IMMP2L: variants seen among roughly 807,000 people sequenced by gnomAD.
IMMP2L encodes the protein inner mitochondrial membrane peptidase subunit 2, also known as mitochondrial inner membrane protease subunit 2.
In IMMP2L, 18 loss-of-function variants were observed where a neutral mutation model predicts 19.3. The observed-to-expected ratio is 0.93, with a 90% CI of 0.64 to 1.38. The LOEUF (loss-of-function observed/expected upper bound fraction) is 1.38, where lower values mean the gene tolerates loss of function less well. IMMP2L is among the 40% of genes most tolerant of loss of function. The pLI is 0.00. For synonymous variants in IMMP2L, 76 were observed against 73.0 expected, an observed-to-expected ratio of 1.04 and a Z score of -0.21; for missense variants, 233 against 218.2, an observed-to-expected ratio of 1.07 and a Z score of -0.43.
chr7:110,688,064 C>T (rs1344578855), intron 5 of IMMP2L, among the ~76,000 whole-genome samples: 2 of 151,802 alleles, frequency 1.3e-5, no homozygotes, highest in South Asian at 4.2e-4. Context: ...ACATGGAAAT[C>T]GAGAGACGGA....
At chr7:110,959,900 T>A (rs1033447815) in intron 4 of IMMP2L, among the ~76,000 whole-genome samples, 2 of 151,944 alleles carry the variant, frequency 1.3e-5, no homozygotes, top group African/African-American at 2.4e-5. Context: ...GTAAACCCAA[T>A]ATTTACATGT....
At chr7:111,122,750 C>T (rs766829925) in intron 3 of IMMP2L, 16 of 1,589,948 alleles carry the variant, frequency 1.0e-5, no homozygotes, top group Non-Finnish European at 1.4e-5. Flanking sequence ...GGGCCCATTA[C>T]ATTTCTGAAG....
intron 4 of IMMP2L, among the ~76,000 whole-genome samples, chr7:110,899,707 A>G (rs1479587153): frequency 2.0e-5 from 3 of 152,132 alleles, no homozygotes; most frequent in African/African-American, 7.2e-5. Flanking sequence ...TTGTTTTACT[A>G]GTACATGGCG....
chr7:110,810,419 T>A (rs567378891), intron 5 of IMMP2L, among the ~76,000 whole-genome samples: 188 of 152,142 alleles, frequency 1.2e-3, no homozygotes, highest in Admixed American at 2.0e-3. Flanking sequence ...ATTCCAAACA[T>A]CTTAATATAC....
chr7:111,070,258 C>T (rs1794841718), intron 3 of IMMP2L, among the ~76,000 whole-genome samples: 1 of 152,164 alleles, frequency 6.6e-6, no homozygotes, highest in South Asian at 2.1e-4. Context: ...GCAGGCTTCA[C>T]CTCACAAGGC....
intron 3 of IMMP2L, among the ~76,000 whole-genome samples, chr7:111,486,483 C>T (rs1842664623): frequency 6.6e-6 from 1 of 152,108 alleles, no homozygotes; most frequent in Admixed American, 6.5e-5. Context: ...AATTGCTACC[C>T]CTAACTGGCA....
In IMMP2L at chr7:110,743,808, T is replaced by C. The variant is rs1474275895; in HGVS notation, c.409-80087A>G. Among the ~76,000 whole-genome samples the C allele has an allele frequency of 6.4e-4, 98 of 152,076 alleles. 1 individual carries two copies. The highest frequency in any genetic ancestry group is 6.4e-3 in the Admixed American group (98 of 15,270). On this transcript the variant is annotated intron_variant, in intron 5 of 5. Transcript: ENST00000405709. ...TGCCTACACCACCAGAGCCCTGGGT[T>C]TCCAGCCCAAAACTGGGCGGCCATT...
rs562324312 is a variant in IMMP2L, at chr7:110,942,301, C to G, written c.305+21199G>C. On this transcript the variant is annotated intron_variant, in intron 4 of 5. Transcript: ENST00000405709. Reference sequence around the variant, plus strand: ...GAAGAATAACTCAATAGGAAATACACAATAGCAGTGTCAAGATTTACAACA... The same window carrying G: ...GAAGAATAACTCAATAGGAAATACAGAATAGCAGTGTCAAGATTTACAACA... Among the ~76,000 whole-genome samples, 19 of 151,980 alleles carry G rather than the reference C, an allele frequency of 1.3e-4. No homozygotes were observed. The South Asian group carries it at 3.7e-3, about 30-fold the overall frequency.
chr7:111,486,224 T>C (rs565931948), intron 3 of IMMP2L, among the ~76,000 whole-genome samples: 3 of 152,342 alleles, frequency 2.0e-5, no homozygotes, highest in East Asian at 1.9e-4. Flanking sequence ...TTGGTTAATA[T>C]GTTTTCAAAT....
In IMMP2L at chr7:111,512,715, T is replaced by C. The variant is rs193202805; in HGVS notation, c.135+8598A>G. 1.6e-3 allele frequency among the ~76,000 whole-genome samples: 238 copies of C among 152,086 alleles called. 1 individual carries two copies. Among genetic ancestry groups the C allele is most frequent in the Middle Eastern group, 6.8e-3 (2 of 294 alleles). On this transcript the variant is annotated intron_variant, in intron 2 of 5. Coordinates refer to ENST00000405709, the MANE Select transcript of IMMP2L (RefSeq NM_032549.4). The stretch of plus-strand genomic sequence containing the variant: ...ACTACTTAACTCAAATGCAAAATTA[T>C]AGTAATCAAAACAGTATGGTACTAG...
At position 110,803,538 on chromosome 7, in the gene IMMP2L, A is replaced by C. The variant is rs943224958; in HGVS notation, c.408+83055T>G. Among the ~76,000 whole-genome samples the C allele has an allele frequency of 1.3e-5, 2 of 152,004 alleles. No individual in the cohort carries two copies. Among genetic ancestry groups the C allele is most frequent in the Admixed American group, 1.3e-4 (2 of 15,244 alleles). ...GAAAGGAGAATGAGGCTGAGAGGGA[A>C]GTCAGTTGACACCACTAGGAGGTCT... On this transcript the variant is annotated intron_variant, in intron 5 of 5. Transcript: ENST00000405709. This position sits in a 1 kb window ranked among gnomAD's most constrained non-coding sequence, Gnocchi z 4.2.
At chr7:110,686,765 C>T (rs1793143765) in intron 5 of IMMP2L, among the ~76,000 whole-genome samples, 2 of 152,018 alleles carry the variant, frequency 1.3e-5, no homozygotes, top group Non-Finnish European at 2.9e-5. Flanking sequence ...ATTTCCTCTT[C>T]CCTGAACGAA....
intron 5 of IMMP2L, among the ~76,000 whole-genome samples, chr7:110,800,541 T>G (rs928027109): frequency 6.6e-6 from 1 of 152,084 alleles, no homozygotes. Flanking sequence ...CTGCCAACTC[T>G]TTGAGAAGTT....
chr7:111,486,146 A>C (rs1842636807), intron 3 of IMMP2L, among the ~76,000 whole-genome samples: 1 of 152,186 alleles, frequency 6.6e-6, no homozygotes, highest in African/African-American at 2.4e-5. Flanking sequence ...GAAGCATTTA[A>C]TCCCCCTCCT....
intron 3 of IMMP2L, among the ~76,000 whole-genome samples, chr7:111,477,570 T>G (rs1841825239): frequency 6.6e-6 from 1 of 152,122 alleles, no homozygotes; most frequent in African/African-American, 2.4e-5. Context: ...AGGCTATATT[T>G]TTGCTTCTTT....
chr7:111,305,733 GA>G (rs1474370829), intron 3 of IMMP2L, among the ~76,000 whole-genome samples: 4 of 152,122 alleles, frequency 2.6e-5, no homozygotes, highest in Admixed American at 6.6e-5. Flanking sequence ...AAATAATGAA[GA>G]ATCAGCTTTC....
At chr7:111,337,136 T>C (rs1371933374) in intron 3 of IMMP2L, among the ~76,000 whole-genome samples, 1 of 152,042 alleles carries the variant, frequency 6.6e-6, no homozygotes, top group Non-Finnish European at 1.5e-5. Flanking sequence ...TATATTAAGA[T>C]AAAAAATCTA....
chr7:111,499,461 T>C (rs1349211037), intron 2 of IMMP2L, among the ~76,000 whole-genome samples: 4 of 152,176 alleles, frequency 2.6e-5, no homozygotes, highest in African/African-American at 9.7e-5. Context: ...TAATTCATGA[T>C]ATGCATCAGG....
At chr7:110,910,957 G>A (rs938819500) in intron 4 of IMMP2L, among the ~76,000 whole-genome samples, 2 of 152,070 alleles carry the variant, frequency 1.3e-5, no homozygotes, top group Non-Finnish European at 2.9e-5. Flanking sequence ...AACAGAGAAT[G>A]TAGCAAATGG....
Sources: gnomAD v4.1 joint callset for allele counts (sites outside exome capture counted in the v4.1 genomes callset) on GRCh38, gnomAD v4.1.1 for gene constraint, Gnocchi (gnomAD v3.1) non-coding constraint, MANE v1.5 for transcripts, NCBI Gene and HGNC (gene_info 2026-07-23, HGNC 2026-07-21) for gene names.